DLC1: variants seen among roughly 807,000 people sequenced by gnomAD.
The protein encoded by DLC1 is rho GTPase-activating protein 7.
In DLC1, 54 loss-of-function variants were observed where a neutral mutation model predicts 140.3. That is an observed-to-expected ratio of 0.38 (90% CI 0.31 to 0.48). The LOEUF (loss-of-function observed/expected upper bound fraction) is 0.48. DLC1 is among the 20% of genes least tolerant of loss of function. DLC1 has a pLI of 0.96. For missense variants in DLC1, 2,536 were observed against 1,907.0 expected (o/e 1.33, Z -6.14); for synonymous variants, 986 against 728.1 (o/e 1.35, Z -5.70).
intron 8 of DLC1, 86 bp downstream of exon 8, chr8:13,102,704 G>A: frequency 8.2e-7 from 1 of 1,219,816 alleles, no homozygotes; most frequent in Non-Finnish European, 1.2e-6. Flanking sequence ...AAGAGTTGGA[G>A]AAACAAAACC....
intron 5 of DLC1, among the ~76,000 whole-genome samples, chr8:13,240,937 T>G (rs1312448340): frequency 6.6e-6 from 1 of 152,128 alleles, no homozygotes; most frequent in Non-Finnish European, 1.5e-5. Flanking sequence ...GGCTCTCTGT[T>G]CTAACTAGAT....
chr8:13,550,285 T>C (rs12674815), intron 1 of DLC1, among the ~76,000 whole-genome samples: 24,828 of 152,000 alleles, frequency 0.16, 2,204 homozygotes, highest in African/African-American at 0.23. Flanking sequence ...TGTGCTTCTC[T>C]CCCCTGCTGC....
Position 13,567,179 on chromosome 8 carries a change from G to C in DLC1, c.-126+37358C>G, listed in dbSNP as rs776972388. On this transcript the variant is annotated intron_variant, in intron 1 of 1. Transcript: ENST00000631382. ...CTGGAGAGGGAAAAGCAGACTCCAA[G>C]CTTGGAACAAGGAGACACACAATCT... The C allele has an allele frequency of 1.9e-6, 3 of 1,551,804 alleles. No individual in the cohort carries two copies. In the South Asian group the frequency reaches 3.6e-5, roughly 18 times the overall value.
At chr8:13,522,604 G>A (rs1036281678) in intron 1 of DLC1, among the ~76,000 whole-genome samples, 4 of 151,776 alleles carry the variant, frequency 2.6e-5, no homozygotes, top group African/African-American at 7.3e-5. Context: ...CAGCCTGGGC[G>A]ACAAGAGCAA....
chr8:13,492,656 C>T (rs1198294226), intron 2 of DLC1, among the ~76,000 whole-genome samples: 2 of 152,106 alleles, frequency 1.3e-5, no homozygotes, highest in Admixed American at 6.6e-5. Flanking sequence ...ATAAAGTCTG[C>T]TAACTGGCTC....
At chr8:13,291,318 G>C (rs1563228835) in intron 5 of DLC1, among the ~76,000 whole-genome samples, 1 of 152,232 alleles carries the variant, frequency 6.6e-6, no homozygotes. Flanking sequence ...GCTTATAATA[G>C]AGAATTCAGT....
intron 4 of DLC1, among the ~76,000 whole-genome samples, chr8:13,350,800 C>G (rs1244521085): frequency 6.6e-6 from 1 of 152,172 alleles, no homozygotes; most frequent in African/African-American, 2.4e-5. Flanking sequence ...GAATAGTCAG[C>G]TTGGAAGGTG....
At chr8:13,175,102 C>T (rs1172756974) in intron 5 of DLC1, among the ~76,000 whole-genome samples, 1 of 152,150 alleles carries the variant, frequency 6.6e-6, no homozygotes, top group Admixed American at 6.6e-5. Context: ...CCCAGCACTA[C>T]TTATTGAACA....
intron 1 of DLC1, among the ~76,000 whole-genome samples, chr8:13,504,796 A>G (rs1206822108): frequency 6.6e-6 from 1 of 152,180 alleles, no homozygotes. Flanking sequence ...CCTCTTCTCA[A>G]AAGCTACTGG....
chr8:13,133,378 G>T (rs1445210695), intron 5 of DLC1: 11 of 913,958 alleles, frequency 1.2e-5, no homozygotes, highest in South Asian at 3.1e-5. Context: ...CCTCCTCCCC[G>T]CTGTCTGGGT....
At chr8:13,415,891 A>G (rs1838033088) in intron 2 of DLC1, among the ~76,000 whole-genome samples, 1 of 152,160 alleles carries the variant, frequency 6.6e-6, no homozygotes, top group Admixed American at 6.5e-5. Context: ...ATTTCACCCC[A>G]AGAAGTCCAA....
chr8:13,582,445 G>T (rs944055197), intron 1 of DLC1, among the ~76,000 whole-genome samples: 1 of 152,118 alleles, frequency 6.6e-6, no homozygotes, highest in Non-Finnish European at 1.5e-5. Context: ...AACTTAATCT[G>T]AATGGGCACC....
At chr8:13,539,573 C>T (rs1803416119) in intron 1 of DLC1, among the ~76,000 whole-genome samples, 1 of 152,142 alleles carries the variant, frequency 6.6e-6, no homozygotes, top group Non-Finnish European at 1.5e-5. Context: ...AGGCGCAGTG[C>T]CCTTTTTCCA....
At chr8:13,221,192 C>T (rs117908127) in intron 5 of DLC1, among the ~76,000 whole-genome samples, 122 of 152,172 alleles carry the variant, frequency 8.0e-4, no homozygotes, top group Middle Eastern at 6.8e-3. Context: ...GTGTCACCAC[C>T]GCATTCTTTC....
At chr8:13,462,467 G>T (rs1273739938) in intron 2 of DLC1, among the ~76,000 whole-genome samples, 1 of 150,166 alleles carries the variant, frequency 6.7e-6, no homozygotes, top group African/African-American at 2.5e-5. Context: ...GCAGTGGCGC[G>T]ATCTTGGCTC....
intron 5 of DLC1, among the ~76,000 whole-genome samples, chr8:13,143,154 C>T (rs2128972262): frequency 6.6e-6 from 1 of 152,030 alleles, no homozygotes; most frequent in Non-Finnish European, 1.5e-5. Context: ...CTGTATCCAT[C>T]AGTTAGAACA....
At chr8:13,265,853 C>T (rs960412331) in intron 5 of DLC1, among the ~76,000 whole-genome samples, 1 of 151,960 alleles carries the variant, frequency 6.6e-6, no homozygotes, top group South Asian at 2.1e-4. Flanking sequence ...GCTAATCCTT[C>T]GGGTATGCAC....
intron 7 of DLC1, 30 bp from the exon 8 acceptor site, chr8:13,102,883 G>A (rs906104314): frequency 1.3e-6 from 2 of 1,595,456 alleles, no homozygotes; most frequent in Non-Finnish European, 1.7e-6. Context: ...CGTTAGCAAA[G>A]ATAGGCAACC....
chr8:13,304,063 A>T (rs1832316784), intron 5 of DLC1, among the ~76,000 whole-genome samples: 1 of 152,158 alleles, frequency 6.6e-6, no homozygotes, highest in Non-Finnish European at 1.5e-5. Context: ...GTTCTGTTAT[A>T]TACTTTGTTT....
Sources: gnomAD v4.1 joint callset for allele counts (sites outside exome capture counted in the v4.1 genomes callset) on GRCh38, gnomAD v4.1.1 for gene constraint, MANE v1.5 for transcripts, NCBI Gene and HGNC (gene_info 2026-07-23, HGNC 2026-07-21) for gene names.